USP43: variants seen among roughly 807,000 people sequenced by gnomAD.
The protein encoded by USP43 is ubiquitin carboxyl-terminal hydrolase 43.
A neutral mutation model predicts 90.7 loss-of-function variants in USP43; 33 were observed. That is an observed-to-expected ratio of 0.36 (90% CI 0.28 to 0.49). The LOEUF is 0.49. Among genes scored for constraint, USP43 ranks in the 20% least tolerant of loss-of-function variants. The pLI, the probability that USP43 is intolerant of heterozygous loss-of-function variation, is 0.98. For missense variants in USP43, 1,274 were observed against 1,476.4 expected (o/e 0.86, Z 2.25); for synonymous variants, 598 against 615.8 (o/e 0.97, Z 0.43).
intron 9 of USP43, among the ~76,000 whole-genome samples, chr17:9,694,912 C>T (rs1915168832): frequency 6.6e-6 from 1 of 152,186 alleles, no homozygotes; most frequent in Non-Finnish European, 1.5e-5. Flanking sequence ...GTGTGAGCCA[C>T]CGCACCCGGC....
In USP43 at chr17:9,701,686, G is replaced by A. The variant is rs1047486688; in HGVS notation, c.1997G>A (p.Gly666Asp). The change falls in exon 12 of 15, where the codon GGT (glycine) becomes GAT (aspartate). Residue 666 changes from glycine (G) to aspartate (D), a missense_variant. Physicochemically the swap from Gly to Asp is moderately conservative, Grantham distance 94. Transcript: ENST00000285199. The surrounding 1 kb of genome is among the most constrained non-coding windows in gnomAD (Gnocchi z 7.2). Reference protein sequence around the residue: ...AVCNHHGNLQGGHYTAYCRNS... With the variant: ...AVCNHHGNLQDGHYTAYCRNS... ...TGCAACCACCATGGCAACCTGCAAG[G>A]TGGGCATTACACAGGTGAGCCTTGC... 4.5e-6 allele frequency: 7 copies of A among 1,565,684 alleles called. No individual in the cohort carries two copies. Among genetic ancestry groups the A allele is most frequent in the Non-Finnish European group, 6.1e-6 (7 of 1,154,954 alleles).
intron 2 of USP43, among the ~76,000 whole-genome samples, chr17:9,664,943 T>C (rs1809945463): frequency 6.6e-6 from 1 of 152,200 alleles, no homozygotes; most frequent in South Asian, 2.1e-4. Context: ...AGTCAATATT[T>C]ATATAGGTAC....
At chr17:9,691,278 CTA>C (rs1386423261) in intron 8 of USP43, among the ~76,000 whole-genome samples, 2 of 149,572 alleles carry the variant, frequency 1.3e-5, no homozygotes, top group Non-Finnish European at 2.9e-5. Flanking sequence ...CCACACCTGG[CTA>C]TTTTTTTTTG....
intron 2 of USP43, among the ~76,000 whole-genome samples, chr17:9,664,369 A>G (rs1912860368): frequency 6.6e-6 from 1 of 152,092 alleles, no homozygotes; most frequent in Non-Finnish European, 1.5e-5. Flanking sequence ...GACGCTTCAC[A>G]TATGTTCCTT....
chr17:9,698,485 C>T (rs1368734397), intron 9 of USP43, among the ~76,000 whole-genome samples: 2 of 152,194 alleles, frequency 1.3e-5, no homozygotes, highest in Non-Finnish European at 2.9e-5. Flanking sequence ...TTTGTATGCT[C>T]CTCCCATTAG....
chr17:9,716,759 T>G (rs1916592104), intron 14 of USP43, among the ~76,000 whole-genome samples: 1 of 152,180 alleles, frequency 6.6e-6, no homozygotes, highest in Non-Finnish European at 1.5e-5. Flanking sequence ...TTATGGATTC[T>G]CCAAAAATCC....
At chr17:9,678,646 T>C (rs1259764584) in intron 5 of USP43, among the ~76,000 whole-genome samples, 2 of 151,660 alleles carry the variant, frequency 1.3e-5, no homozygotes, top group Non-Finnish European at 2.9e-5. Flanking sequence ...GGCCTGTATT[T>C]GGATTTATTT....
At chr17:9,713,841 C>T (rs1416858661) in intron 14 of USP43, among the ~76,000 whole-genome samples, 1 of 152,184 alleles carries the variant, frequency 6.6e-6, no homozygotes, top group Non-Finnish European at 1.5e-5. Flanking sequence ...GGTAGGAACA[C>T]TCCATTCTGG....
intron 1 of USP43, among the ~76,000 whole-genome samples, chr17:9,650,111 G>T (rs938114435): frequency 6.6e-6 from 1 of 152,088 alleles, no homozygotes; most frequent in Non-Finnish European, 1.5e-5. Flanking sequence ...ACATAAAATG[G>T]AAATGGAGTT....
chr17:9,703,950 C>A (rs139372413), intron 12 of USP43, among the ~76,000 whole-genome samples: 66 of 152,268 alleles, frequency 4.3e-4, no homozygotes, highest in Non-Finnish European at 7.6e-4. Flanking sequence ...GGGAGCTTGA[C>A]CTTTGGAGTG....
chr17:9,714,483 C>A (rs1324675417), intron 14 of USP43, among the ~76,000 whole-genome samples: 1 of 151,576 alleles, frequency 6.6e-6, no homozygotes, highest in East Asian at 1.9e-4. Context: ...AGTTCGAGAC[C>A]AGCCTGACCA....
At chr17:9,668,263 T>A (rs930348304) in intron 3 of USP43, among the ~76,000 whole-genome samples, 2 of 152,220 alleles carry the variant, frequency 1.3e-5, no homozygotes, top group African/African-American at 2.4e-5. Flanking sequence ...CTTATTGACT[T>A]CTCTTCAAAC....
At chr17:9,691,622 C>G (rs1914959950) in intron 8 of USP43, among the ~76,000 whole-genome samples, 1 of 152,076 alleles carries the variant, frequency 6.6e-6, no homozygotes, top group African/African-American at 2.4e-5. Context: ...TATGGTAGTT[C>G]AACATTTAAC....
At chr17:9,654,025 A>G (rs1912056002) in intron 1 of USP43, among the ~76,000 whole-genome samples, 1 of 152,214 alleles carries the variant, frequency 6.6e-6, no homozygotes, top group Non-Finnish European at 1.5e-5. Context: ...TGACACCTAC[A>G]TTAAAAGGAT....
Position 9,709,837 on chromosome 17 carries a change from T to C in USP43, c.2012-119T>C, listed in dbSNP as rs116388022. 9.8e-4 allele frequency: 1,101 copies of C among 1,123,438 alleles called. 10 individuals are homozygous for C. The African/African-American group carries it at 0.016, about 16-fold the overall frequency. The allele number at this position is 1,123,438 out of a possible 1,614,324, so 69.6% of individuals were successfully genotyped here. A position where few individuals can be genotyped will look rare whatever the true frequency, so the allele number is the denominator to read the frequency against. On this transcript the variant is annotated intron_variant, in intron 12 of 14. Transcript: ENST00000285199. The surrounding 1 kb of genome is among the most constrained non-coding windows in gnomAD (Gnocchi z 5.0). Reference sequence around the variant, plus strand: ...AAAAAAATTCATTTCTGGCCAAAAATGGACTGTTTTTTTCTCATTCTGGTT... The same window carrying C: ...AAAAAAATTCATTTCTGGCCAAAAACGGACTGTTTTTTTCTCATTCTGGTT...
intron 5 of USP43, among the ~76,000 whole-genome samples, chr17:9,677,273 G>A (rs1391841085): frequency 6.6e-6 from 1 of 152,196 alleles, no homozygotes; most frequent in African/African-American, 2.4e-5. Flanking sequence ...GAATAAAGAA[G>A]CCCTGAGAGG....
intron 10 of USP43, among the ~76,000 whole-genome samples, 200 bp downstream of exon 10, chr17:9,700,449 A>G (rs1915504691): frequency 6.6e-6 from 1 of 152,180 alleles, no homozygotes; most frequent in South Asian, 2.1e-4. Flanking sequence ...GAATGGAGTG[A>G]TGGTGGTGGT....
Position 9,728,646 on chromosome 17 carries a change from A to C in USP43, c.3028A>C (p.Arg1010=). Reference sequence around the variant, plus strand: ...CGTGTTTCGGAAGAAGGAGAACAGGAGGAATGAGAGGGCAGAGGTCTCTCC... The same window carrying C: ...CGTGTTTCGGAAGAAGGAGAACAGGCGGAATGAGAGGGCAGAGGTCTCTCC... ...RSVFRKKENR[R]NERAEVSPQV... Residue 1010 remains arginine, a synonymous_variant, in exon 15 of 15, where the codon AGG becomes CGG. Transcript: ENST00000285199. This position sits in a 1 kb window ranked among gnomAD's most constrained non-coding sequence, Gnocchi z 6.2. 1 of 1,613,720 alleles carries C rather than the reference A, an allele frequency of 6.2e-7. No homozygotes were observed. The highest frequency in any genetic ancestry group is 1.1e-5 in the South Asian group (1 of 91,020).
intron 2 of USP43, among the ~76,000 whole-genome samples, chr17:9,665,582 A>G (rs973168925): frequency 1.3e-5 from 2 of 152,170 alleles, no homozygotes; most frequent in South Asian, 2.1e-4. Context: ...CTCTCTAGAC[A>G]TGTGGGGATT....
Sources: allele counts gnomAD v4.1 joint callset (sites outside exome capture counted in the v4.1 genomes callset), GRCh38; gene constraint gnomAD v4.1.1; non-coding constraint Gnocchi (gnomAD v3.1); transcripts MANE v1.5; gene names NCBI Gene and HGNC (gene_info 2026-07-23, HGNC 2026-07-21).